The following NCKAP5 variants were observed in gnomAD, a reference collection of about 807,000 sequenced individuals.
The protein encoded by NCKAP5 is NCK associated protein 5, also known as nck-associated protein 5.
In NCKAP5, 92 loss-of-function variants were observed where a neutral mutation model predicts 167.0. That is an observed-to-expected ratio of 0.55 (90% CI 0.47 to 0.66). The LOEUF is 0.66. Ranked by LOEUF, NCKAP5 falls within the 30% of genes least tolerant of loss-of-function variation. The probability of loss-of-function intolerance (pLI) is 0.00; values close to 1 mark genes in which losing one functional copy is unlikely to be tolerated. For missense variants in NCKAP5, 2,378 were observed against 2,315.0 expected, an observed-to-expected ratio of 1.03 and a Z score of -0.56; for synonymous variants, 891 against 877.4, an observed-to-expected ratio of 1.02 and a Z score of -0.27.
At chr2:132,887,352 C>CTATTT (rs1558902689) in intron 8 of NCKAP5, among the ~76,000 whole-genome samples, 1 of 112,748 alleles carries the variant, frequency 8.9e-6, no homozygotes, top group Non-Finnish European at 1.8e-5. Flanking sequence ...TCTATCTATC[C>CTATTT]ATCCATCCAT....
At chr2:132,913,878 T>C (rs1272363248) in intron 8 of NCKAP5, among the ~76,000 whole-genome samples, 4 of 152,202 alleles carry the variant, frequency 2.6e-5, no homozygotes, top group Non-Finnish European at 4.4e-5. Context: ...ATACTTATCG[T>C]CTTCTTCAAT....
intron 19 of NCKAP5, among the ~76,000 whole-genome samples, chr2:132,695,387 G>A (rs1465532909): frequency 6.6e-6 from 1 of 152,088 alleles, no homozygotes; most frequent in Non-Finnish European, 1.5e-5. Flanking sequence ...CTGGTTCCAC[G>A]ATGGGAAAAG....
intron 3 of NCKAP5, among the ~76,000 whole-genome samples, chr2:133,482,175 A>G (rs1032454214): frequency 1.3e-5 from 2 of 152,156 alleles, no homozygotes; most frequent in African/African-American, 4.8e-5. Context: ...CTAATGGGTG[A>G]ATAGTATTAC....
At chr2:133,674,652 G>A in the NCKAP5 span, among the ~76,000 whole-genome samples, 1 of 151,854 alleles carries the variant, frequency 6.6e-6, no homozygotes, top group Non-Finnish European at 1.5e-5. Context: ...AAAAAAAAAA[G>A]AAGAGAAAAT....
chr2:133,489,896 G>A (rs187886854), intron 3 of NCKAP5, among the ~76,000 whole-genome samples: 247 of 152,238 alleles, frequency 1.6e-3, no homozygotes, highest in African/African-American at 5.5e-3. Context: ...TAGAAACTGT[G>A]ATAACCAACT....
At chr2:133,008,999 T>C (rs2078063716) in intron 6 of NCKAP5, among the ~76,000 whole-genome samples, 1 of 152,190 alleles carries the variant, frequency 6.6e-6, no homozygotes, top group African/African-American at 2.4e-5. Context: ...TCCCATCTCC[T>C]GTATTCCTGA....
At chr2:133,402,841 T>C (rs1342118899) in intron 3 of NCKAP5, among the ~76,000 whole-genome samples, 1 of 152,198 alleles carries the variant, frequency 6.6e-6, no homozygotes, top group Non-Finnish European at 1.5e-5. Context: ...ACCTCTTTTA[T>C]TTATAAAATA....
intron 3 of NCKAP5, among the ~76,000 whole-genome samples, chr2:133,407,622 A>C (rs186335855): frequency 7.5e-4 from 115 of 152,322 alleles, no homozygotes; most frequent in African/African-American, 2.6e-3. Context: ...AGCATCCCTC[A>C]GGCTCCCAAG....
intron 4 of NCKAP5, among the ~76,000 whole-genome samples, chr2:133,227,741 T>C (rs1440652406): frequency 6.6e-6 from 1 of 152,244 alleles, no homozygotes; most frequent in Non-Finnish European, 1.5e-5. Flanking sequence ...TTCAGAGTCA[T>C]TTTCATCATT....
At chr2:133,323,642 C>T (rs1682223470) in intron 3 of NCKAP5, among the ~76,000 whole-genome samples, 2 of 152,318 alleles carry the variant, frequency 1.3e-5, no homozygotes, top group African/African-American at 4.8e-5. Flanking sequence ...ACACCTTTCT[C>T]CTGTGCCACC....
At chr2:133,085,234 C>A (rs1027401462) in intron 6 of NCKAP5, among the ~76,000 whole-genome samples, 3 of 151,990 alleles carry the variant, frequency 2.0e-5, no homozygotes, top group Non-Finnish European at 4.4e-5. Context: ...CTAAGAAGTC[C>A]CCAAAGTGTG....
chr2:132,959,038 T>A (rs2076426125), intron 8 of NCKAP5, among the ~76,000 whole-genome samples: 2 of 147,464 alleles, frequency 1.4e-5, no homozygotes, highest in South Asian at 4.2e-4. Context: ...TTACTATTAT[T>A]AAATATTATA....
At chr2:132,963,911 A>G (rs1329297707) in intron 7 of NCKAP5, 42 bp from the exon 8 acceptor site, 2 of 1,606,808 alleles carry the variant, frequency 1.2e-6, no homozygotes, top group Non-Finnish European at 8.5e-7. Flanking sequence ...ATCTCCAGTG[A>G]AAAATAAGCA....
intron 3 of NCKAP5, among the ~76,000 whole-genome samples, chr2:133,371,008 AG>A (rs370620147): frequency 4.5e-4 from 69 of 152,340 alleles, no homozygotes; most frequent in African/African-American, 1.7e-3. Context: ...GACTACCTGA[AG>A]AAAAAGGTTC....
chr2:132,729,260 A>G (rs1001171755), intron 17 of NCKAP5, among the ~76,000 whole-genome samples: 6 of 152,234 alleles, frequency 3.9e-5, no homozygotes, highest in Non-Finnish European at 8.8e-5. Flanking sequence ...AGGAAACACT[A>G]AAGTTATTCT....
Position 132,784,375 on chromosome 2 carries a change from C to A in NCKAP5, c.2436G>T (p.Gln812His). 2.5e-6 allele frequency: 4 copies of A among 1,613,924 alleles called. No homozygotes were observed. Among genetic ancestry groups the A allele is most frequent in the Non-Finnish European group, 2.5e-6 (3 of 1,179,868 alleles). The change falls in exon 14 of 20, where the codon CAG becomes CAT. Residue 812 changes from glutamine (Q) to histidine (H), a missense_variant. This residue lies in a region of NCKAP5 where 1,049 missense variants were observed against 1,023.4 expected (regional missense o/e 1.02). Coordinates refer to ENST00000409261, the MANE Select transcript of NCKAP5 (RefSeq NM_207363.3). ...CTTCGGGCTCCATTAGTTTTGATTT[C>A]TGAGGTGAAGACTTGCCCCTGGGAG... ...KIPPRGKSSPQKSKLMEPEAT... is the reference protein window; with the variant it reads ...KIPPRGKSSPHKSKLMEPEAT...
At chr2:133,631,321 C>G in the NCKAP5 span, among the ~76,000 whole-genome samples, 2 of 152,176 alleles carry the variant, frequency 1.3e-5, no homozygotes, top group African/African-American at 2.4e-5. Context: ...CTCTGGTGGT[C>G]TCTTTAACTT....
intron 11 of NCKAP5, among the ~76,000 whole-genome samples, chr2:132,836,770 C>G (rs1687918762): frequency 6.6e-6 from 1 of 152,078 alleles, no homozygotes; most frequent in South Asian, 2.1e-4. Context: ...TTTTCCACCC[C>G]CTAGAGCCTT....
At chr2:133,096,418 G>C (rs2081345444) in intron 6 of NCKAP5, among the ~76,000 whole-genome samples, 1 of 152,138 alleles carries the variant, frequency 6.6e-6, no homozygotes, top group Admixed American at 6.5e-5. Flanking sequence ...AACCCAGGAG[G>C]TGGAGGTTGC....
Sources: allele counts gnomAD v4.1 joint callset (sites outside exome capture counted in the v4.1 genomes callset), GRCh38; gene constraint gnomAD v4.1.1; regional missense constraint gnomAD v4.1.1; transcripts MANE v1.5; gene names NCBI Gene and HGNC (gene_info 2026-07-23, HGNC 2026-07-21).